MCTP1: variants seen among roughly 807,000 people sequenced by gnomAD.
MCTP1 encodes multiple C2 and transmembrane domain-containing protein 1.
MCTP1 carries 69 observed loss-of-function variants against 120.6 expected under a neutral mutation model. The observed-to-expected ratio is 0.57, with a 90% CI of 0.47 to 0.70. The LOEUF is 0.70. MCTP1 is among the 30% of genes least tolerant of loss of function. MCTP1 has a pLI of 0.00. For missense variants in MCTP1, 1,203 were observed against 1,248.8 expected, an observed-to-expected ratio of 0.96 and a Z score of 0.55; for synonymous variants, 529 against 493.1, an observed-to-expected ratio of 1.07 and a Z score of -0.96.
intron 1 of MCTP1, among the ~76,000 whole-genome samples, chr5:95,263,144 C>T (rs1582690877): frequency 6.6e-6 from 1 of 152,304 alleles, no homozygotes; most frequent in African/African-American, 2.4e-5. Context: ...TGTTTACTGG[C>T]TTCATTTGCC....
chr5:95,194,341 G>T (rs1033954579), intron 1 of MCTP1, among the ~76,000 whole-genome samples: 7 of 152,172 alleles, frequency 4.6e-5, no homozygotes, highest in African/African-American at 1.4e-4. Context: ...CAGGCAGTTT[G>T]GCTGCCTACA....
At chr5:95,073,774 G>A (rs934963178) in intron 1 of MCTP1, among the ~76,000 whole-genome samples, 1 of 152,104 alleles carries the variant, frequency 6.6e-6, no homozygotes, top group Admixed American at 6.6e-5. Context: ...AAGCATTCTT[G>A]GTGCCCCAGG....
chr5:95,064,460 A>T lies in MCTP1; in HGVS notation c.721-46976T>A, dbSNP rs570464678. On this transcript the variant is annotated intron_variant, in intron 1 of 22. Coordinates refer to ENST00000515393, the MANE Select transcript of MCTP1 (RefSeq NM_024717.7). ...ATGGTAACTTTATTTACAAATACCCAATTTTAGTAACCCTTAATAACTCAC... is the reference window on the plus strand; with the variant it reads ...ATGGTAACTTTATTTACAAATACCCTATTTTAGTAACCCTTAATAACTCAC... 2.0e-5 allele frequency among the ~76,000 whole-genome samples: 3 copies of T among 152,360 alleles called. No individual in the cohort carries two copies. In the South Asian group the frequency reaches 6.2e-4, roughly 32 times the overall value.
Position 94,972,627 on chromosome 5 carries a change from T to C in MCTP1, c.839-19266A>G, listed in dbSNP as rs374160156. ...CAGCTCTAGATCTTTCTGGGGTTCATGTGGAAGAAAATATAATTTTAAAAA... is the reference window on the plus strand; with the variant it reads ...CAGCTCTAGATCTTTCTGGGGTTCACGTGGAAGAAAATATAATTTTAAAAA... On this transcript the variant is annotated intron_variant, in intron 2 of 22. Coordinates refer to ENST00000515393, the MANE Select transcript of MCTP1 (RefSeq NM_024717.7). Among the ~76,000 whole-genome samples the C allele has an allele frequency of 1.8e-3, 275 of 152,290 alleles. 1 individual carries two copies. The highest frequency in any genetic ancestry group is 5.9e-3 in the African/African-American group (244 of 41,564).
In MCTP1 at chr5:94,894,696, T is replaced by A. The variant is rs939494235; in HGVS notation, c.1792A>T (p.Asn598Tyr). Residue 598 changes from asparagine (N) to tyrosine (Y), a missense_variant, in exon 11 of 23, where the codon AAC (asparagine) becomes TAC (tyrosine). This residue lies in a region of MCTP1 where 740 missense variants were observed against 871.1 expected (regional missense o/e 0.85). Transcript: ENST00000515393. Reference protein sequence around the residue: ...ATVSISDLSVNSLEDQKEREE... With the variant: ...ATVSISDLSVYSLEDQKEREE... Reference sequence around the variant, plus strand: ...CGTTCCTTCTGGTCCTCCAGGGAGTTGACAGACAGGTCAGAGATGCTGACT... The same window carrying A: ...CGTTCCTTCTGGTCCTCCAGGGAGTAGACAGACAGGTCAGAGATGCTGACT... 6.2e-7 allele frequency: 1 copy of A among 1,613,038 alleles called. No homozygotes were observed. The highest frequency in any genetic ancestry group is 8.5e-7 in the Non-Finnish European group (1 of 1,179,110).
At chr5:95,245,554 A>T (rs1282993063) in intron 1 of MCTP1, among the ~76,000 whole-genome samples, 2 of 152,168 alleles carry the variant, frequency 1.3e-5, no homozygotes, top group Non-Finnish European at 2.9e-5. Context: ...AGCCAATTTG[A>T]TCAAGTGGAA....
At position 94,707,328 on chromosome 5, in the gene MCTP1, G is replaced by T; in HGVS notation, c.*168C>A. ...ATCAAGTTGAGTCTGTACAATAGAA[G>T]TATATATTCAAAGACATATGCCTTT... On this transcript the variant is annotated 3_prime_UTR_variant, in exon 23 of 23. Transcript: ENST00000515393. The T allele has an allele frequency of 1.7e-6, 1 of 580,784 alleles. No homozygotes were observed. The allele number at this position is 580,784 out of a possible 1,614,324, so 36.0% of individuals were successfully genotyped here.
chr5:95,038,214 T>C (rs939399834), intron 1 of MCTP1: 3 of 531,280 alleles, frequency 5.6e-6, no homozygotes, highest in Non-Finnish European at 7.2e-6. Context: ...GAATTAATCA[T>C]GGAGCCTGGC....
chr5:94,868,050 T>TA, intron 17 of MCTP1: 1 of 227,670 alleles, frequency 4.4e-6, no homozygotes, highest in Non-Finnish European at 8.5e-6. Context: ...GGTTTGGAAT[T>TA]ATGCAATATG....
rs534792566 is a variant in MCTP1, at chr5:95,247,210, T to C, written c.720+36646A>G. ...GTTTATAGTATTCTCTGATGGTAGA[T>C]TGTATTTCTGTGGGATCGGTGGTGA... On this transcript the variant is annotated intron_variant, in intron 1 of 22. Coordinates refer to ENST00000515393, the MANE Select transcript of MCTP1 (RefSeq NM_024717.7). Among the ~76,000 whole-genome samples the C allele has an allele frequency of 2.0e-5, 3 of 152,324 alleles. No individual in the cohort carries two copies. In the South Asian group the frequency reaches 6.2e-4, roughly 32 times the overall value.
intron 19 of MCTP1, among the ~76,000 whole-genome samples, chr5:94,722,457 G>A (rs967399954): frequency 3.9e-5 from 6 of 152,136 alleles, no homozygotes; most frequent in African/African-American, 1.2e-4. Context: ...CAGGTATGTA[G>A]AATATATTTG....
At chr5:94,962,347 A>T (rs1463119342) in intron 2 of MCTP1, among the ~76,000 whole-genome samples, 1 of 151,998 alleles carries the variant, frequency 6.6e-6, no homozygotes, top group African/African-American at 2.4e-5. Context: ...TTGCACATGC[A>T]TGTTTAAGGC....
intron 13 of MCTP1, among the ~76,000 whole-genome samples, 173 bp downstream of exon 13, chr5:94,872,966 G>T (rs1274240926): frequency 2.0e-5 from 3 of 152,038 alleles, no homozygotes; most frequent in Non-Finnish European, 1.5e-5. Flanking sequence ...TTTCCCCCAG[G>T]TTTCACTTTC....
chr5:94,736,528 C>T (rs912451595), intron 19 of MCTP1, among the ~76,000 whole-genome samples: 2 of 152,044 alleles, frequency 1.3e-5, no homozygotes, highest in African/African-American at 4.8e-5. Context: ...TATGCATTCC[C>T]ATGTTTATAT....
At chr5:95,221,209 A>G (rs1753656867) in intron 1 of MCTP1, among the ~76,000 whole-genome samples, 1 of 152,266 alleles carries the variant, frequency 6.6e-6, no homozygotes, top group Non-Finnish European at 1.5e-5. Context: ...AATACTTACA[A>G]TAAACAGTAA....
At chr5:94,918,780 G>A (rs988941507) in intron 7 of MCTP1, among the ~76,000 whole-genome samples, 2 of 152,134 alleles carry the variant, frequency 1.3e-5, no homozygotes, top group African/African-American at 4.8e-5. Flanking sequence ...TAAATCACAC[G>A]GAAAGAAAGG....
At chr5:95,055,105 T>C (rs921979714) in intron 1 of MCTP1, among the ~76,000 whole-genome samples, 11 of 151,544 alleles carry the variant, frequency 7.3e-5, no homozygotes, top group African/African-American at 2.7e-4. Context: ...ATTTCTTTCT[T>C]TTGGTGTATC....
intron 2 of MCTP1, among the ~76,000 whole-genome samples, chr5:94,958,638 A>T (rs1823302133): frequency 1.3e-5 from 2 of 152,226 alleles, no homozygotes; most frequent in African/African-American, 4.8e-5. Context: ...AATACTATAA[A>T]CACCTCTACA....
chr5:94,755,761 C>T (rs1385821596), intron 19 of MCTP1, among the ~76,000 whole-genome samples: 1 of 152,146 alleles, frequency 6.6e-6, no homozygotes, highest in Non-Finnish European at 1.5e-5. Context: ...CTGTCCTCGG[C>T]CCTCTTCCTC....
Sources: allele counts gnomAD v4.1 joint callset (sites outside exome capture counted in the v4.1 genomes callset), GRCh38; gene constraint gnomAD v4.1.1; regional missense constraint gnomAD v4.1.1; transcripts MANE v1.5; gene names NCBI Gene and HGNC (gene_info 2026-07-23, HGNC 2026-07-21).